The following RBM20 variants were observed in gnomAD, a reference collection of about 807,000 sequenced individuals.
RBM20 encodes RNA binding motif protein 20, also known as RNA-binding protein 20.
In RBM20, 51 loss-of-function variants were observed where a neutral mutation model predicts 110.1. The ratio of observed to expected loss-of-function variants is 0.46; its 90% CI spans 0.37 to 0.59. RBM20 has a LOEUF of 0.59. RBM20 is among the 20% of genes least tolerant of loss of function. The probability of loss-of-function intolerance (pLI) is 0.00; values close to 1 mark genes in which losing one functional copy is unlikely to be tolerated. For missense variants in RBM20, 1,512 were observed against 1,574.9 expected, an observed-to-expected ratio of 0.96 and a Z score of 0.68; for synonymous variants, 589 against 618.2, an observed-to-expected ratio of 0.95 and a Z score of 0.70.
intron 7 of RBM20, among the ~76,000 whole-genome samples, chr10:110,803,647 T>C (rs577132446): frequency 9.9e-4 from 151 of 152,104 alleles, no homozygotes; most frequent in African/African-American, 3.3e-3. Context: ...TATTCCCTCT[T>C]AAGGCATTGT....
At chr10:110,831,679 A>AG (rs1453361847) in intron 13 of RBM20, among the ~76,000 whole-genome samples, 1 of 144,742 alleles carries the variant, frequency 6.9e-6, no homozygotes, top group Non-Finnish European at 1.5e-5. Flanking sequence ...AAAAAAAAAA[A>AG]AAAAAAAAAA....
chr10:110,781,948 C>T (rs1284000957), intron 2 of RBM20, 64 bp downstream of exon 2: 5 of 1,541,156 alleles, frequency 3.2e-6, no homozygotes, highest in Non-Finnish European at 1.8e-6. Context: ...TCCCCATGAC[C>T]CAACTCACGC....
intron 1 of RBM20, among the ~76,000 whole-genome samples, chr10:110,707,401 G>A (rs1311421773): frequency 6.6e-6 from 1 of 152,168 alleles, no homozygotes; most frequent in African/African-American, 2.4e-5. Flanking sequence ...AAGCATATAA[G>A]TTAATCAAGA....
intron 5 of RBM20, among the ~76,000 whole-genome samples, chr10:110,795,932 G>T (rs12245059): frequency 2.6e-5 from 4 of 152,126 alleles, no homozygotes; most frequent in African/African-American, 9.7e-5. Flanking sequence ...CCAGGGTGCC[G>T]GACCCCAAGG....
At chr10:110,806,495 G>A (rs1362193074) in intron 7 of RBM20, among the ~76,000 whole-genome samples, 1 of 152,140 alleles carries the variant, frequency 6.6e-6, no homozygotes, top group Non-Finnish European at 1.5e-5. Flanking sequence ...GATCTCGTGA[G>A]AACTCTGTCA....
intron 1 of RBM20, among the ~76,000 whole-genome samples, chr10:110,769,103 G>A (rs1182935411): frequency 6.6e-6 from 1 of 152,124 alleles, no homozygotes; most frequent in Admixed American, 6.5e-5. Context: ...TGTTCTCCTG[G>A]GGAGCTATTA....
At chr10:110,745,071 T>G (rs146354897) in intron 1 of RBM20, among the ~76,000 whole-genome samples, 2 of 152,350 alleles carry the variant, frequency 1.3e-5, no homozygotes, top group Non-Finnish European at 2.9e-5. Flanking sequence ...TTTGGGTCAA[T>G]GTTGTAAGCA....
At chr10:110,717,211 A>T (rs969135046) in intron 1 of RBM20, among the ~76,000 whole-genome samples, 7 of 152,204 alleles carry the variant, frequency 4.6e-5, no homozygotes, top group Non-Finnish European at 8.8e-5. Flanking sequence ...GGTGTTTAAT[A>T]AATGATGAGG....
In RBM20 at chr10:110,718,875, C is replaced by T. The variant is rs867631357; in HGVS notation, c.192-61926C>T. Among the ~76,000 whole-genome samples the T allele has an allele frequency of 3.3e-5, 5 of 152,210 alleles. No individual in the cohort carries two copies. The Middle Eastern group carries it at 0.01, about 311-fold the overall frequency. ...AAGTTATCCACCCATCTCGGCCTCC[C>T]AAAGTGTTGGGATTACAGGCATAAG... is the stretch of plus-strand genomic sequence containing the variant. On this transcript the variant is annotated intron_variant, in intron 1 of 13. Coordinates refer to ENST00000369519, the MANE Select transcript of RBM20 (RefSeq NM_001134363.3).
intron 1 of RBM20, among the ~76,000 whole-genome samples, chr10:110,736,442 A>G (rs750674368): frequency 1.3e-5 from 2 of 152,294 alleles, no homozygotes; most frequent in Admixed American, 1.3e-4. Flanking sequence ...TTTAAATTTT[A>G]TACACTTTTT....
At chr10:110,696,954 A>G (rs779125146) in intron 1 of RBM20, among the ~76,000 whole-genome samples, 1 of 152,196 alleles carries the variant, frequency 6.6e-6, no homozygotes, top group Non-Finnish European at 1.5e-5. Flanking sequence ...GAGCCCATCC[A>G]CAGCTCCCTG....
chr10:110,700,476 T>C (rs1472932409), intron 1 of RBM20, among the ~76,000 whole-genome samples: 1 of 152,152 alleles, frequency 6.6e-6, no homozygotes, highest in Non-Finnish European at 1.5e-5. Flanking sequence ...ACCCCAACAG[T>C]GGCTTAAACC....
At chr10:110,697,662 C>A (rs2134886949) in intron 1 of RBM20, among the ~76,000 whole-genome samples, 1 of 152,330 alleles carries the variant, frequency 6.6e-6, no homozygotes, top group Non-Finnish European at 1.5e-5. Context: ...CCTGAGCCCA[C>A]CTTGTTTCAT....
intron 5 of RBM20, among the ~76,000 whole-genome samples, chr10:110,791,724 C>A (rs936539371): frequency 3.9e-5 from 6 of 152,176 alleles, no homozygotes; most frequent in South Asian, 4.1e-4. Flanking sequence ...AGCCCAGGCC[C>A]CCGATCCCAT....
At chr10:110,685,319 C>T (rs1862486963) in intron 1 of RBM20, among the ~76,000 whole-genome samples, 1 of 152,150 alleles carries the variant, frequency 6.6e-6, no homozygotes, top group Non-Finnish European at 1.5e-5. Context: ...GTGCCCTGTG[C>T]CCTTCTGAGT....
At chr10:110,824,903 T>G (rs1590703706) in intron 12 of RBM20, among the ~76,000 whole-genome samples, 1 of 152,216 alleles carries the variant, frequency 6.6e-6, no homozygotes, top group East Asian at 1.9e-4. Context: ...TGTCTGATCA[T>G]GCAGGGAGGG....
chr10:110,832,236 C>T (rs1845065602), intron 13 of RBM20, among the ~76,000 whole-genome samples: 1 of 152,124 alleles, frequency 6.6e-6, no homozygotes, highest in Admixed American at 6.5e-5. Context: ...TCTGAAGACA[C>T]CTCCTGTTTT....
In RBM20 at chr10:110,737,193, A is replaced by AAAAAAAAAAAAAAAC. The variant is rs796374212; in HGVS notation, c.192-43604_192-43603insAAAAAAAAAACAAAA. 1.3e-3 allele frequency among the ~76,000 whole-genome samples: 155 copies of AAAAAAAAAAAAAAAC among 116,462 alleles called. 8 individuals carry two copies. The highest frequency in any genetic ancestry group is 3.2e-3 in the East Asian group (12 of 3,754). 76.4% of individuals were successfully genotyped at this position (116,462 alleles called of 152,430 possible). ...ACTCTGCCTCAAAAAAAAAAAAAAAAAAAACACCCCACACACACACTCAAA... is the reference window on the plus strand; with the variant it reads ...ACTCTGCCTCAAAAAAAAAAAAAAAAAAAAAAAAAAAAAACAAAACACCCCACACACACACTCAAA... On this transcript the variant is annotated intron_variant, in intron 1 of 13. Transcript: ENST00000369519.
intron 1 of RBM20, among the ~76,000 whole-genome samples, chr10:110,776,773 A>G (rs182504027): frequency 6.6e-6 from 1 of 152,238 alleles, no homozygotes; most frequent in African/African-American, 2.4e-5. Context: ...GTGGGTTAGA[A>G]TGTGAACATT....
Sources: gnomAD v4.1 joint callset for allele counts (sites outside exome capture counted in the v4.1 genomes callset) on GRCh38, gnomAD v4.1.1 for gene constraint, MANE v1.5 for transcripts, NCBI Gene and HGNC (gene_info 2026-07-23, HGNC 2026-07-21) for gene names.